ALCAM: variants seen among roughly 807,000 people sequenced by gnomAD.
ALCAM encodes activated leukocyte cell adhesion molecule.
Under a neutral mutation model 70.9 loss-of-function variants are expected in ALCAM, and 30 were observed. The observed-to-expected ratio is 0.42, with a 90% CI of 0.32 to 0.57. The LOEUF (loss-of-function observed/expected upper bound fraction) is 0.57. ALCAM is among the 20% of genes least tolerant of loss of function. The pLI is 0.11. For synonymous variants in ALCAM, 249 were observed against 242.5 expected (o/e 1.03, Z -0.25); for missense variants, 591 against 695.1 (o/e 0.85, Z 1.68).
intron 1 of ALCAM, among the ~76,000 whole-genome samples, chr3:105,398,967 A>T (rs1576134520): frequency 1.4e-5 from 2 of 142,130 alleles, no homozygotes; most frequent in Admixed American, 7.1e-5. Flanking sequence ...ATTTTGTTCT[A>T]CTCTCATCTC....
intron 1 of ALCAM, among the ~76,000 whole-genome samples, chr3:105,394,040 A>C (rs1252110347): frequency 1.3e-5 from 2 of 151,894 alleles, no homozygotes; most frequent in African/African-American, 4.8e-5. Flanking sequence ...TTTCGAGTCC[A>C]TTCTTTCAAG....
chr3:105,414,351 G>T (rs1342499767), intron 1 of ALCAM, among the ~76,000 whole-genome samples: 1 of 152,086 alleles, frequency 6.6e-6, no homozygotes, highest in Non-Finnish European at 1.5e-5. Context: ...AGAAGATGGA[G>T]GTTCAGTGAG....
intron 1 of ALCAM, among the ~76,000 whole-genome samples, chr3:105,452,924 G>GT (rs146328684): frequency 0.16 from 24,545 of 151,942 alleles, 2,248 homozygotes; most frequent in East Asian, 0.38. Context: ...GGGGTTGTTT[G>GT]TTTTTTCTTG....
At chr3:105,567,960 C>G (rs1940779181) in intron 14 of ALCAM, among the ~76,000 whole-genome samples, 1 of 151,782 alleles carries the variant, frequency 6.6e-6, no homozygotes, top group South Asian at 2.1e-4. Context: ...CTACTGTCAC[C>G]TTGCGCTTGT....
chr3:105,420,187 C>T (rs979308004), intron 1 of ALCAM, among the ~76,000 whole-genome samples: 2 of 151,574 alleles, frequency 1.3e-5, no homozygotes, highest in African/African-American at 2.4e-5. Flanking sequence ...TCTAACATCT[C>T]GAAAAGAGCC....
At chr3:105,541,816 G>C in intron 8 of ALCAM, 51 bp downstream of exon 8, 1 of 1,590,448 alleles carries the variant, frequency 6.3e-7, no homozygotes, top group Non-Finnish European at 8.6e-7. Context: ...GCTTCTAATA[G>C]CTTAATGTAG....
intron 1 of ALCAM, among the ~76,000 whole-genome samples, chr3:105,480,568 A>G (rs1405189921): frequency 6.6e-6 from 1 of 152,144 alleles, no homozygotes; most frequent in Non-Finnish European, 1.5e-5. Flanking sequence ...TAGTGCTCAG[A>G]TGCAAGTCCC....
chr3:105,575,301 T>G lies in ALCAM; in HGVS notation c.*850T>G, dbSNP rs1213514713. 1.3e-5 allele frequency: 2 copies of G among 152,600 alleles called. No homozygotes were observed. Among genetic ancestry groups the G allele is most frequent in the Non-Finnish European group, 2.9e-5 (2 of 68,026 alleles). 9.5% of individuals were successfully genotyped at this position (152,600 alleles called of 1,614,324 possible). ...ACATTCCCATTTTCATAGATCACAA[T>G]GTAAATCACTATAATTACAAATTGG... On this transcript the variant is annotated 3_prime_UTR_variant, in exon 16 of 16. Transcript: ENST00000306107.
chr3:105,409,812 T>C (rs1157933176), intron 1 of ALCAM, among the ~76,000 whole-genome samples: 3 of 152,134 alleles, frequency 2.0e-5, no homozygotes, highest in African/African-American at 7.2e-5. Flanking sequence ...GCCAGATTGA[T>C]CTGTATTTTC....
At chr3:105,557,864 G>A (rs1940552572) in intron 14 of ALCAM, among the ~76,000 whole-genome samples, 1 of 152,042 alleles carries the variant, frequency 6.6e-6, no homozygotes, top group Admixed American at 6.6e-5. Context: ...ATTTTCATGA[G>A]GAATTTCTTT....
At chr3:105,436,770 C>T (rs1937058215) in intron 1 of ALCAM, among the ~76,000 whole-genome samples, 1 of 152,112 alleles carries the variant, frequency 6.6e-6, no homozygotes. Context: ...ATCTCTTGAG[C>T]TGGTCAGGGT....
Position 105,453,287 on chromosome 3 carries a change from A to G in ALCAM, c.74-66780A>G, listed in dbSNP as rs144333703. Among the ~76,000 whole-genome samples the G allele has an allele frequency of 1.2e-3, 187 of 152,338 alleles. 1 individual carries two copies. The highest frequency in any genetic ancestry group is 2.2e-3 in the Non-Finnish European group (149 of 68,036). ...AAGGGTTCCAGTTTCAGTTTTCTGC[A>G]TATGGCTAGCCGGTTTTCCCAGCAC... is the stretch of plus-strand genomic sequence containing the variant. On this transcript the variant is annotated intron_variant, in intron 1 of 15. Transcript: ENST00000306107.
Position 105,385,404 on chromosome 3 carries a change from G to A in ALCAM, c.73+17923G>A, listed in dbSNP as rs1935625301. ...GAATGAGTGGACCTCTCTTCAGAGA[G>A]GAAAGAAAGATAAGATGAAAAGCCA... On this transcript the variant is annotated intron_variant, in intron 1 of 15. Coordinates refer to ENST00000306107, the MANE Select transcript of ALCAM (RefSeq NM_001627.4). 3.3e-5 allele frequency among the ~76,000 whole-genome samples: 5 copies of A among 151,576 alleles called. No individual in the cohort carries two copies. The South Asian group carries it at 8.3e-4, about 25-fold the overall frequency.
At chr3:105,506,413 C>G (rs1422678854) in intron 1 of ALCAM, among the ~76,000 whole-genome samples, 3 of 152,106 alleles carry the variant, frequency 2.0e-5, no homozygotes, top group Admixed American at 2.0e-4. Context: ...TCAGTCTTTT[C>G]CATGTGGTTT....
intron 1 of ALCAM, among the ~76,000 whole-genome samples, chr3:105,476,366 A>G (rs1206368873): frequency 2.0e-5 from 3 of 152,022 alleles, no homozygotes; most frequent in Non-Finnish European, 4.4e-5. Context: ...ATAATGCTCA[A>G]ATATATACCT....
At chr3:105,542,181 A>G (rs1176131813) in intron 8 of ALCAM, among the ~76,000 whole-genome samples, 1 of 151,906 alleles carries the variant, frequency 6.6e-6, no homozygotes, top group Admixed American at 6.6e-5. Flanking sequence ...CAGACAATAC[A>G]AAGTTACTAC....
At chr3:105,401,331 T>A (rs1936084192) in intron 1 of ALCAM, among the ~76,000 whole-genome samples, 1 of 152,198 alleles carries the variant, frequency 6.6e-6, no homozygotes, top group Non-Finnish European at 1.5e-5. Context: ...TTTTGCTGAC[T>A]CCTATACACA....
chr3:105,436,607 A>G (rs1016268053), intron 1 of ALCAM, among the ~76,000 whole-genome samples: 1 of 152,178 alleles, frequency 6.6e-6, no homozygotes, highest in East Asian at 1.9e-4. Context: ...GATTACAGGC[A>G]TGAGCCTGTA....
chr3:105,409,905 T>C (rs1028693219), intron 1 of ALCAM, among the ~76,000 whole-genome samples: 2 of 152,016 alleles, frequency 1.3e-5, no homozygotes, highest in Non-Finnish European at 2.9e-5. Flanking sequence ...ATATCCCCTT[T>C]TGCAACATGT....
Sources: allele counts gnomAD v4.1 joint callset (sites outside exome capture counted in the v4.1 genomes callset), GRCh38; gene constraint gnomAD v4.1.1; transcripts MANE v1.5; gene names NCBI Gene and HGNC (gene_info 2026-07-23, HGNC 2026-07-21).